The following MRTFB variants were observed in gnomAD, a reference collection of about 807,000 sequenced individuals.
MRTFB encodes myocardin related transcription factor B, also known as myocardin-related transcription factor B.
MRTFB carries 29 observed loss-of-function variants against 104.2 expected under a neutral mutation model. That is an observed-to-expected ratio of 0.28 (90% CI 0.21 to 0.38). The LOEUF is 0.38. Among genes scored for constraint, MRTFB ranks in the 10% least tolerant of loss-of-function variants. The pLI is 1.00. For missense variants in MRTFB, 1,270 were observed against 1,341.6 expected, an observed-to-expected ratio of 0.95 and a Z score of 0.83; for synonymous variants, 535 against 519.5, an observed-to-expected ratio of 1.03 and a Z score of -0.41.
chr16:14,042,087 G>A, the MRTFB span, among the ~76,000 whole-genome samples: 364 of 152,180 alleles, frequency 2.4e-3, 4 homozygotes, highest in African/African-American at 8.5e-3. Context: ...CAAGGGTCCT[G>A]ATTTCTGCAC....
the MRTFB span, among the ~76,000 whole-genome samples, chr16:13,997,390 A>G: frequency 2.6e-5 from 4 of 152,304 alleles, no homozygotes; most frequent in Admixed American, 1.3e-4. Flanking sequence ...ATTTGAAAAA[A>G]TACTATTGTA....
At chr16:14,031,730 G>T in the MRTFB span, among the ~76,000 whole-genome samples, 3 of 152,174 alleles carry the variant, frequency 2.0e-5, no homozygotes, top group Non-Finnish European at 4.4e-5. Flanking sequence ...CTCAGGGCCT[G>T]AAATAGCCTC....
At chr16:14,088,737 A>T (rs901300552) in intron 2 of MRTFB, among the ~76,000 whole-genome samples, 2 of 152,168 alleles carry the variant, frequency 1.3e-5, no homozygotes, top group African/African-American at 4.8e-5. Flanking sequence ...CTTCTGCGGG[A>T]TGTTAATTTG....
chr16:14,231,801 G>A (rs1186911931), intron 8 of MRTFB, among the ~76,000 whole-genome samples: 1 of 152,174 alleles, frequency 6.6e-6, no homozygotes, highest in Non-Finnish European at 1.5e-5. Context: ...GGTCTAAGTG[G>A]GGTTTGGTAC....
intron 15 of MRTFB, among the ~76,000 whole-genome samples, chr16:14,257,761 T>G (rs1184173810): frequency 6.6e-6 from 1 of 152,232 alleles, no homozygotes; most frequent in Non-Finnish European, 1.5e-5. Flanking sequence ...ATATGTATAG[T>G]GTGATCACCT....
At chr16:14,042,790 C>G in the MRTFB span, among the ~76,000 whole-genome samples, 13 of 152,138 alleles carry the variant, frequency 8.5e-5, no homozygotes, top group African/African-American at 3.1e-4. Flanking sequence ...TTCTTGGACC[C>G]GTAGGCCAAG....
At chr16:14,111,192 G>A (rs1487191564) in intron 2 of MRTFB, among the ~76,000 whole-genome samples, 1 of 152,204 alleles carries the variant, frequency 6.6e-6, no homozygotes, top group East Asian at 1.9e-4. Context: ...AAGTTCTGCA[G>A]ATTGGAGGTG....
At chr16:14,064,023 C>T in the MRTFB span, among the ~76,000 whole-genome samples, 3 of 152,194 alleles carry the variant, frequency 2.0e-5, no homozygotes, top group Admixed American at 2.0e-4. Context: ...AATGGTAGTT[C>T]TGTTTTAAGT....
In MRTFB at chr16:14,258,109, C is replaced by G; in HGVS notation, c.2712C>G (p.Asn904Lys). The change falls in exon 16 of 17, where the codon AAC becomes AAG. Residue 904 changes from asparagine to lysine, a missense_variant. Physicochemically the swap from Asn to Lys is moderately conservative, Grantham distance 94. This residue lies in a region of MRTFB where 1,144 missense variants were observed against 1,131.5 expected (regional missense o/e 1.01). Transcript: ENST00000571589. ...STQAPLPEIS[N>K]AHSQQMDDLF... ...ACTCTCCTTCATTGTAGATTTCCAA[C>G]GCTCACAGTCAGCAGATGGATGACC... 6.2e-7 allele frequency: 1 copy of G among 1,613,742 alleles called. No individual in the cohort carries two copies. The highest frequency in any genetic ancestry group is 8.5e-7 in the Non-Finnish European group (1 of 1,179,724).
chr16:14,209,355 C>G (rs1362430396), intron 3 of MRTFB, among the ~76,000 whole-genome samples: 1 of 152,100 alleles, frequency 6.6e-6, no homozygotes, highest in Non-Finnish European at 1.5e-5. Context: ...TGGTTTTCAT[C>G]CATGGTTTGA....
At chr16:14,258,926 A>AT (rs1390871005) in intron 16 of MRTFB, among the ~76,000 whole-genome samples, 3 of 152,200 alleles carry the variant, frequency 2.0e-5, no homozygotes, top group African/African-American at 7.2e-5. Flanking sequence ...TTAAAAAAAA[A>AT]TTCCTGGATA....
At chr16:14,071,409 G>C (rs1298086466) in intron 1 of MRTFB, 44 bp downstream of exon 1, 5 of 154,646 alleles carry the variant, frequency 3.2e-5, no homozygotes, top group Admixed American at 1.3e-4. Flanking sequence ...GAGGCCGGGT[G>C]AGAGCGGCCG....
At chr16:14,235,091 A>T (rs2042436576) in intron 9 of MRTFB, among the ~76,000 whole-genome samples, 1 of 152,200 alleles carries the variant, frequency 6.6e-6, no homozygotes, top group African/African-American at 2.4e-5. Context: ...CAACCTCCCG[A>T]ATCCAAGTCT....
intron 2 of MRTFB, among the ~76,000 whole-genome samples, chr16:14,139,720 C>G (rs1221489624): frequency 6.6e-6 from 1 of 152,192 alleles, no homozygotes; most frequent in Non-Finnish European, 1.5e-5. Flanking sequence ...TAGTCAAAAA[C>G]TGGAAACAAC....
intron 3 of MRTFB, 128 bp downstream of exon 3, chr16:14,140,888 A>G: frequency 1.1e-6 from 1 of 940,934 alleles, no homozygotes; most frequent in South Asian, 1.7e-5. Context: ...AACCCTGTAG[A>G]GGTACTGGAT....
chr16:14,185,392 G>A lies in MRTFB; in HGVS notation c.155-24851G>A, dbSNP rs867554273. 2.6e-5 allele frequency among the ~76,000 whole-genome samples: 4 copies of A among 152,308 alleles called. No homozygotes were observed. The South Asian group carries it at 8.3e-4, about 32-fold the overall frequency. ...TATTGATTTTTCTGTCTGTAAAAAT[G>A]TAAGCCTTTATCCCAGAGGAGGGTC... On this transcript the variant is annotated intron_variant, in intron 3 of 16. Coordinates refer to ENST00000571589, the MANE Select transcript of MRTFB (RefSeq NM_001308142.2).
chr16:14,086,645 C>G (rs2034720061), intron 2 of MRTFB, among the ~76,000 whole-genome samples: 1 of 152,046 alleles, frequency 6.6e-6, no homozygotes, highest in African/African-American at 2.4e-5. Context: ...TCTTCAATCT[C>G]TTTTATGTGG....
At chr16:14,223,722 T>C (rs923923902) in intron 8 of MRTFB, among the ~76,000 whole-genome samples, 4 of 152,222 alleles carry the variant, frequency 2.6e-5, no homozygotes, top group East Asian at 1.9e-4. Flanking sequence ...AAGAGACTTA[T>C]AGGACACCAT....
intron 3 of MRTFB, among the ~76,000 whole-genome samples, chr16:14,207,056 C>G (rs2040979392): frequency 6.6e-6 from 1 of 152,136 alleles, no homozygotes; most frequent in East Asian, 1.9e-4. Context: ...ACTGCTACTG[C>G]TGCTGCTCTT....
Sources: allele counts gnomAD v4.1 joint callset (sites outside exome capture counted in the v4.1 genomes callset), GRCh38; gene constraint gnomAD v4.1.1; regional missense constraint gnomAD v4.1.1; transcripts MANE v1.5; gene names NCBI Gene and HGNC (gene_info 2026-07-23, HGNC 2026-07-21).